ABI3BP: variants seen among roughly 807,000 people sequenced by gnomAD.
ABI3BP encodes the protein ABI family member 3 binding protein.
In ABI3BP, 216 loss-of-function variants were observed where a neutral mutation model predicts 268.6. The observed-to-expected ratio is 0.80, with a 90% CI of 0.72 to 0.90. The LOEUF (loss-of-function observed/expected upper bound fraction) is 0.90. Ranked by LOEUF, ABI3BP falls within the 40% of genes least tolerant of loss-of-function variation. The probability of loss-of-function intolerance (pLI) is 0.00; values close to 1 mark genes in which losing one functional copy is unlikely to be tolerated. For missense variants in ABI3BP, 2,090 were observed against 2,182.4 expected (o/e 0.96, Z 0.84); for synonymous variants, 730 against 730.0 (o/e 1.00, Z 0.00).
intron 37 of ABI3BP, 58 bp downstream of exon 37, chr3:100,823,400 A>G: frequency 7.1e-7 from 1 of 1,402,278 alleles, no homozygotes; most frequent in Non-Finnish European, 9.6e-7. Context: ...AACAAATTGA[A>G]ACTCTAGGTT....
chr3:100,911,329 TA>T, intron 2 of ABI3BP: 2 of 279,700 alleles, frequency 7.2e-6, no homozygotes, highest in South Asian at 5.9e-5. Flanking sequence ...AGAATCTGGA[TA>T]AAAGGTCCAT....
intron 40 of ABI3BP, among the ~76,000 whole-genome samples, chr3:100,819,963 A>C (rs976563514): frequency 6.6e-6 from 1 of 150,480 alleles, no homozygotes; most frequent in African/African-American, 2.5e-5. Flanking sequence ...AAAAAAAAAA[A>C]AAAAAAGAAA....
chr3:100,919,099 A>C lies in ABI3BP; in HGVS notation c.259+7203T>G, dbSNP rs192238550. On this transcript the variant is annotated intron_variant, in intron 2 of 67. Transcript: ENST00000471714. ...TCTCTAAGGACTCTGCCAGGAAGAG[A>C]GGGCTCAGCTGGCTTCAATGGCTGG... Among the ~76,000 whole-genome samples, 138 of 152,250 alleles carry C rather than the reference A, an allele frequency of 9.1e-4. No homozygotes were observed. The East Asian group carries it at 0.022, about 24-fold the overall frequency.
chr3:100,842,848 T>C (rs777890750), intron 20 of ABI3BP, among the ~76,000 whole-genome samples: 1 of 152,190 alleles, frequency 6.6e-6, no homozygotes, highest in Non-Finnish European at 1.5e-5. Flanking sequence ...AAAAAGGAAT[T>C]GTTTATTTTT....
rs143595881 is a variant in ABI3BP at position 100,875,502 on chromosome 3, A to G, written c.817+6T>C. 1 of 1,602,866 alleles carries G rather than the reference A, an allele frequency of 6.2e-7. No individual in the cohort carries two copies. The highest frequency in any genetic ancestry group is 1.3e-5 in the African/African-American group (1 of 74,748). Reference sequence around the variant, plus strand: ...AATCTCGGCATAGATTTCGAGATCCACTCACCTAGTATCACTCCTCCCAGT... The same window carrying G: ...AATCTCGGCATAGATTTCGAGATCCGCTCACCTAGTATCACTCCTCCCAGT... On this transcript the variant is annotated splice_donor_region_variant and intron_variant, in intron 8 of 67. Transcript: ENST00000471714.
chr3:100,924,447 A>ATTT (rs1190836615), intron 2 of ABI3BP, among the ~76,000 whole-genome samples: 1 of 152,182 alleles, frequency 6.6e-6, no homozygotes, highest in East Asian at 1.9e-4. Flanking sequence ...ATACTGAAAC[A>ATTT]TTTTTAGATA....
intron 26 of ABI3BP, 42 bp downstream of exon 26, chr3:100,838,168 A>G (rs1560634369): frequency 2.0e-6 from 3 of 1,493,342 alleles, no homozygotes; most frequent in Non-Finnish European, 2.7e-6. Context: ...AATGTTTCCA[A>G]AGAAAATCCT....
chr3:100,937,732 GACAATGCTA>G (rs1449235068), intron 1 of ABI3BP, among the ~76,000 whole-genome samples: 1 of 152,036 alleles, frequency 6.6e-6, no homozygotes, highest in Non-Finnish European at 1.5e-5. Context: ...TCTAAGAACG[GACAATGCTA>G]AGTTTCCAAC....
At chr3:100,947,243 G>A (rs1326108848) in intron 1 of ABI3BP, among the ~76,000 whole-genome samples, 1 of 152,042 alleles carries the variant, frequency 6.6e-6, no homozygotes, top group East Asian at 1.9e-4. Flanking sequence ...TTTACTAGGT[G>A]AGAAAAAGAA....
chr3:100,962,634 A>G (rs1033522878), intron 1 of ABI3BP, among the ~76,000 whole-genome samples: 11 of 152,114 alleles, frequency 7.2e-5, no homozygotes, highest in Non-Finnish European at 1.5e-4. Flanking sequence ...GATTCACTAG[A>G]TACTGTTCAT....
intron 1 of ABI3BP, among the ~76,000 whole-genome samples, chr3:100,991,478 C>T (rs2153997324): frequency 6.6e-6 from 1 of 152,112 alleles, no homozygotes; most frequent in Admixed American, 6.6e-5. Context: ...TATTGTGATT[C>T]CCCCCTTAAA....
At chr3:100,801,425 C>CAAAAAAAAAAAAAAAAAA (rs68171311) in intron 51 of ABI3BP, among the ~76,000 whole-genome samples, 2 of 87,502 alleles carry the variant, frequency 2.3e-5, no homozygotes, top group African/African-American at 4.0e-5. Flanking sequence ...GATATCCTGT[C>CAAAAAAAAAAAAAAAAAA]AAAAAAAAAA....
At chr3:100,830,146 T>TA (rs1470231125) in intron 32 of ABI3BP, among the ~76,000 whole-genome samples, 10 of 59,218 alleles carry the variant, frequency 1.7e-4, no homozygotes, top group African/African-American at 4.4e-4. Flanking sequence ...TATATATATA[T>TA]ATATATATAT....
At chr3:100,812,570 A>C in intron 45 of ABI3BP, 47 bp from the exon 46 acceptor site, 1 of 1,223,856 alleles carries the variant, frequency 8.2e-7, no homozygotes. Context: ...ATAGGTTGTA[A>C]GTATTTATAA....
chr3:100,770,622 G>A, intron 62 of ABI3BP, 121 bp downstream of exon 62: 1 of 885,666 alleles, frequency 1.1e-6, no homozygotes. Context: ...CAGCAAAACT[G>A]CTAGTTTTGT....
At chr3:100,833,260 T>C in intron 29 of ABI3BP, 103 bp from the exon 30 acceptor site, 1 of 1,083,012 alleles carries the variant, frequency 9.2e-7, no homozygotes, top group South Asian at 1.5e-5. Context: ...CATTATAGCG[T>C]TGGTTCTATA....
At chr3:100,781,056 T>C (rs2096851024) in intron 57 of ABI3BP, among the ~76,000 whole-genome samples, 1 of 152,166 alleles carries the variant, frequency 6.6e-6, no homozygotes, top group African/African-American at 2.4e-5. Flanking sequence ...TCAGAAATAA[T>C]GACCTGTCCT....
intron 39 of ABI3BP, among the ~76,000 whole-genome samples, chr3:100,820,673 GC>G (rs1348097270): frequency 6.6e-6 from 1 of 152,100 alleles, no homozygotes; most frequent in Non-Finnish European, 1.5e-5. Context: ...CACATAGATA[GC>G]AAAAATAAAT....
intron 6 of ABI3BP, among the ~76,000 whole-genome samples, chr3:100,881,537 TTAAG>T (rs1378851420): frequency 4.6e-5 from 7 of 152,312 alleles, no homozygotes; most frequent in African/African-American, 1.4e-4. Flanking sequence ...GTTTAGCTAG[TTAAG>T]TAATACATTT....
Sources: gnomAD v4.1 joint callset for allele counts (sites outside exome capture counted in the v4.1 genomes callset) on GRCh38, gnomAD v4.1.1 for gene constraint, MANE v1.5 for transcripts, NCBI Gene and HGNC (gene_info 2026-07-23, HGNC 2026-07-21) for gene names.